The following ASGR1 variants were observed in gnomAD, a reference collection of about 807,000 sequenced individuals.
The protein encoded by ASGR1 is asialoglycoprotein receptor 1.
A neutral mutation model predicts 33.1 loss-of-function variants in ASGR1; 35 were observed. The ratio of observed to expected loss-of-function variants is 1.06; its 90% CI spans 0.81 to 1.40. The LOEUF is 1.40. Ranked by LOEUF, ASGR1 falls within the 40% of genes most tolerant of loss-of-function variation. ASGR1 has a pLI of 0.00. For synonymous variants in ASGR1, 142 were observed against 152.5 expected, an observed-to-expected ratio of 0.93 and a Z score of 0.51; for missense variants, 396 against 373.7, an observed-to-expected ratio of 1.06 and a Z score of -0.49.
intron 2 of ASGR1, 86 bp from the exon 3 acceptor site, chr17:7,177,412 C>A (rs546423057): frequency 1.8e-6 from 2 of 1,116,520 alleles, no homozygotes; most frequent in Non-Finnish European, 1.3e-6. Context: ...CAAGCTAAGG[C>A]GGCCCTAGTA....
Position 7,173,797 on chromosome 17 carries a change from GCCGTACCAGTCGT to G in ASGR1, c.725_737del (p.Asp242AlafsTer87). 6.2e-7 allele frequency: 1 copy of G among 1,612,128 alleles called. No individual in the cohort carries two copies. The highest frequency in any genetic ancestry group is 8.5e-7 in the Non-Finnish European group (1 of 1,179,780). On this transcript the variant is annotated frameshift_variant, in exon 9 of 9. Coordinates refer to ENST00000269299, the MANE Select transcript of ASGR1 (RefSeq NM_001671.5). LOFTEE classifies it low-confidence loss of function (END_TRUNC). This position sits in a 1 kb window ranked among gnomAD's most constrained non-coding sequence, Gnocchi z 4.7. ...AGTCCTCGCCTCCTCCGAGCCCGTG[GCCGTACCAGTCGT>G]CCGGCTGCTCCGGCCTCCAGTTCCT... is the stretch of plus-strand genomic sequence containing the variant.
rs763661469 is a variant in ASGR1 at position 7,173,779 on chromosome 17, G to T, written c.756C>A (p.Gly252=). The T allele has an allele frequency of 1.9e-6, 3 of 1,612,828 alleles. No individual in the cohort carries two copies. The highest frequency in any genetic ancestry group is 4.5e-5 in the East Asian group (2 of 44,896). Residue 252 remains glycine (G), a synonymous_variant, in exon 9 of 9, where the codon GGC becomes GGA. Transcript: ENST00000269299. This position sits in a 1 kb window ranked among gnomAD's most constrained non-coding sequence, Gnocchi z 4.7. ...DDWYGHGLGG[G]EDCAHFTDDG... ...CGTCGGTGAAGTGGGCACAGTCCTCGCCTCCTCCGAGCCCGTGGCCGTACC... is the reference window on the plus strand; with the variant it reads ...CGTCGGTGAAGTGGGCACAGTCCTCTCCTCCTCCGAGCCCGTGGCCGTACC...
At position 7,175,891 on chromosome 17, in the gene ASGR1, TC is replaced by T. The variant is rs1411587348; in HGVS notation, c.355+938del. Reference sequence around the variant, plus strand: ...TCCTCACACACAGTCTCACAGACACTCCATCTCATTCTCACACTCACAGACA... The same window carrying T: ...TCCTCACACACAGTCTCACAGACACTCATCTCATTCTCACACTCACAGACA... On this transcript the variant is annotated intron_variant, in intron 5 of 8. Coordinates refer to ENST00000269299, the MANE Select transcript of ASGR1 (RefSeq NM_001671.5). 4.7e-5 allele frequency among the ~76,000 whole-genome samples: 6 copies of T among 127,926 alleles called. No homozygotes were observed. In the East Asian group the frequency reaches 1.2e-3, roughly 26 times the overall value. The allele number at this position is 127,926 out of a possible 152,430, so 83.9% of individuals were successfully genotyped here. A position where few individuals can be genotyped will look rare whatever the true frequency, so the allele number is the denominator to read the frequency against.
intron 1 of ASGR1, 145 bp from the exon 2 acceptor site, chr17:7,178,733 CTTT>C (rs1037452405): frequency 1.0e-5 from 2 of 193,116 alleles, no homozygotes; most frequent in African/African-American, 4.1e-5. Flanking sequence ...TCTTTTTTTT[CTTT>C]TCTTTTTTTT....
intron 1 of ASGR1, 188 bp from the exon 2 acceptor site, chr17:7,178,776 C>G (rs2069246258): frequency 2.2e-6 from 1 of 456,674 alleles, no homozygotes; most frequent in Admixed American, 3.9e-5. Context: ...CTTGCTCTGT[C>G]CCCAGGCCGG....
chr17:7,173,819 T>C lies in ASGR1; in HGVS notation c.716A>G (p.Glu239Gly). ...GTGGCCGTACCAGTCGTCCGGCTGC[T>C]CCGGCCTCCAGTTCCTGGGGACAGA... ...YETGFKNWRP[E>G]QPDDWYGHGL... The change falls in exon 9 of 9, where the codon GAG (glutamate) becomes GGG (glycine). Residue 239 changes from glutamate (E) to glycine (G), a missense_variant. Coordinates refer to ENST00000269299, the MANE Select transcript of ASGR1 (RefSeq NM_001671.5). This position sits in a 1 kb window ranked among gnomAD's most constrained non-coding sequence, Gnocchi z 4.7. 1 of 1,610,696 alleles carries C rather than the reference T, an allele frequency of 6.2e-7. No individual in the cohort carries two copies. The highest frequency in any genetic ancestry group is 1.1e-5 in the South Asian group (1 of 91,022).
chr17:7,174,090 G>C (rs372176894), intron 7 of ASGR1, 23 bp from the exon 8 acceptor site: 4 of 1,614,056 alleles, frequency 2.5e-6, no homozygotes, highest in African/African-American at 1.3e-5. Flanking sequence ...AAGGCGGGTG[G>C]TGATCTCTCC....
At chr17:7,176,937 C>T (rs761446020) in intron 4 of ASGR1, 36 bp from the exon 5 acceptor site, 21 of 1,569,594 alleles carry the variant, frequency 1.3e-5, no homozygotes, top group Non-Finnish European at 1.8e-5. Context: ...CCCGACAGCC[C>T]CCCAGCCCCA....
At chr17:7,176,659 A>G in intron 5 of ASGR1, 171 bp downstream of exon 5, 2 of 908,618 alleles carry the variant, frequency 2.2e-6, no homozygotes, top group Admixed American at 4.7e-5. Flanking sequence ...CAAGGCTCTC[A>G]TACACACACC....
chr17:7,177,098 G>A, intron 3 of ASGR1, 22 bp from the exon 4 acceptor site: 2 of 1,613,808 alleles, frequency 1.2e-6, no homozygotes, highest in Non-Finnish European at 1.7e-6. Flanking sequence ...AGCGTGCAGA[G>A]AGAAGAAAAC....
chr17:7,174,160 A>G lies in ASGR1; in HGVS notation c.572T>C (p.Val191Ala). The G allele has an allele frequency of 1.4e-5, 23 of 1,614,074 alleles. No individual in the cohort carries two copies. The highest frequency in any genetic ancestry group is 4.0e-5 in the African/African-American group (3 of 75,054). ...CACCTGCTCCTCCCAGGACGTGACC[A>G]CCACCAGGTGCGCGTCCTCCAGCCG... ...YCRLEDAHLV[V>A]VTSWEEQKFV... is the part of the protein sequence containing the mutation. Residue 191 changes from valine (V) to alanine (A), a missense_variant, in exon 7 of 9, where the codon GTG (valine) becomes GCG (alanine). Val to Ala is a moderately conservative substitution (Grantham distance 64). Transcript: ENST00000269299.
At chr17:7,175,783 T>TCA (rs368628906) in intron 5 of ASGR1, among the ~76,000 whole-genome samples, 6,236 of 145,044 alleles carry the variant, frequency 0.043, 279 homozygotes, top group African/African-American at 0.11. Context: ...ACACAGGCTC[T>TCA]CACACACACA....
chr17:7,176,211 ACACT>A (rs1190158798), intron 5 of ASGR1, among the ~76,000 whole-genome samples: 22 of 135,222 alleles, frequency 1.6e-4, no homozygotes, highest in African/African-American at 6.0e-4. Flanking sequence ...TCTCATTCTC[ACACT>A]CACAAACACA....
chr17:7,176,220 AAC>A (rs201215587), intron 5 of ASGR1, among the ~76,000 whole-genome samples: 2,982 of 105,652 alleles, frequency 0.028, 47 homozygotes, highest in African/African-American at 0.057. Flanking sequence ...CACACTCACA[AAC>A]ACACACACAC....
At chr17:7,175,334 A>G (rs1011815363) in intron 5 of ASGR1, among the ~76,000 whole-genome samples, 13 of 144,090 alleles carry the variant, frequency 9.0e-5, no homozygotes, top group Non-Finnish European at 1.8e-4. Flanking sequence ...CACACACAAC[A>G]CACCTTCACC....
chr17:7,176,590 A>C (rs745683926), intron 5 of ASGR1: 3 of 575,840 alleles, frequency 5.2e-6, no homozygotes, highest in East Asian at 3.0e-5. Flanking sequence ...ACTCACACAC[A>C]CTCCATCTCA....
chr17:7,174,485 C>A (rs539912185), intron 5 of ASGR1, 25 bp from the exon 6 acceptor site: 11 of 1,604,694 alleles, frequency 6.9e-6, no homozygotes, highest in Non-Finnish European at 9.4e-6. Context: ...CGGAGGGGAG[C>A]GGGAGGAGAT....
rs1229622005 is a variant in ASGR1, at chr17:7,178,591, G to C, written c.-25-3C>G. 6.2e-7 allele frequency: 1 copy of C among 1,608,096 alleles called. No homozygotes were observed. Among genetic ancestry groups the C allele is most frequent in the Admixed American group, 1.7e-5 (1 of 59,562 alleles). On this transcript the variant is annotated splice_polypyrimidine_tract_variant and splice_region_variant and intron_variant, in intron 1 of 8. Transcript: ENST00000269299. Reference sequence around the variant, plus strand: ...TAGGGCTGGCGCTGGACCTGGGACTGAGTCAAGACTGAGGCTGGGGCTGAG... The same window carrying C: ...TAGGGCTGGCGCTGGACCTGGGACTCAGTCAAGACTGAGGCTGGGGCTGAG...
In ASGR1 at chr17:7,176,981, C is replaced by A; in HGVS notation, c.283G>T (p.Gly95Ter). Residue 95 changes from glycine (G) to a stop codon, truncating the protein, a stop_gained and splice_region_variant, in exon 4 of 9, where the codon GGA becomes TGA. Coordinates refer to ENST00000269299, the MANE Select transcript of ASGR1 (RefSeq NM_001671.5). LOFTEE classifies it high-confidence loss of function. The part of the protein sequence containing the change: ...EAQVKGLSTQ[G>*]GNVGRKMKSL... ...CCCAGCCCCGCCCCAGCGCCCTCAC[C>A]CTGGGTGCTCAAGCCCTTGACCTGG... The A allele has an allele frequency of 1.2e-5, 20 of 1,609,348 alleles. No individual in the cohort carries two copies. Among genetic ancestry groups the A allele is most frequent in the Non-Finnish European group, 1.7e-5 (20 of 1,179,270 alleles).
Sources: allele counts gnomAD v4.1 joint callset (sites outside exome capture counted in the v4.1 genomes callset), GRCh38; gene constraint gnomAD v4.1.1; non-coding constraint Gnocchi (gnomAD v3.1); transcripts MANE v1.5; gene names NCBI Gene and HGNC (gene_info 2026-07-23, HGNC 2026-07-21).